The following ZRANB3 variants were observed in gnomAD, a reference collection of about 807,000 sequenced individuals.
ZRANB3 encodes the protein zinc finger RANBP2-type containing 3.
In ZRANB3, 125 loss-of-function variants were observed where a neutral mutation model predicts 133.8. That is an observed-to-expected ratio of 0.93 (90% CI 0.81 to 1.08). ZRANB3 has a LOEUF of 1.08. ZRANB3 is among the 50% of genes least tolerant of loss of function. The pLI, the probability that ZRANB3 is intolerant of heterozygous loss-of-function variation, is 0.00. For missense variants in ZRANB3, 1,229 were observed against 1,275.5 expected, an observed-to-expected ratio of 0.96 and a Z score of 0.56; for synonymous variants, 387 against 432.7, an observed-to-expected ratio of 0.89 and a Z score of 1.31.
At chr2:135,322,562 A>G (rs1683581286) in intron 6 of ZRANB3, among the ~76,000 whole-genome samples, 1 of 151,984 alleles carries the variant, frequency 6.6e-6, no homozygotes, top group Non-Finnish European at 1.5e-5. Context: ...TAAAAAATGA[A>G]AAACAATTAG....
chr2:135,365,444 G>A (rs1530003), intron 3 of ZRANB3, among the ~76,000 whole-genome samples: 3 of 151,944 alleles, frequency 2.0e-5, no homozygotes, highest in East Asian at 1.9e-4. Context: ...TATATATAAG[G>A]CTCAATGATC....
At chr2:135,385,934 A>G (rs1245011827) in intron 3 of ZRANB3, among the ~76,000 whole-genome samples, 1 of 152,224 alleles carries the variant, frequency 6.6e-6, no homozygotes, top group African/African-American at 2.4e-5. Flanking sequence ...AGGCATGGGC[A>G]AGGACTTCAT....
intron 3 of ZRANB3, among the ~76,000 whole-genome samples, chr2:135,360,108 G>T (rs1419625160): frequency 6.6e-6 from 1 of 152,188 alleles, no homozygotes; most frequent in Non-Finnish European, 1.5e-5. Context: ...GCCAGGAACA[G>T]TGGCTCACAC....
intron 3 of ZRANB3, among the ~76,000 whole-genome samples, chr2:135,376,525 C>G (rs1401961456): frequency 2.0e-5 from 3 of 152,176 alleles, no homozygotes; most frequent in Non-Finnish European, 4.4e-5. Flanking sequence ...AAAAGGCTAT[C>G]AAGCTACAAA....
chr2:135,453,433 C>G (rs1208514987), intron 2 of ZRANB3, among the ~76,000 whole-genome samples: 4 of 152,232 alleles, frequency 2.6e-5, no homozygotes, highest in African/African-American at 7.2e-5. Context: ...TCTACTGCAT[C>G]ATCAGGCTGC....
chr2:135,411,566 C>A (rs938416812), intron 2 of ZRANB3, among the ~76,000 whole-genome samples: 1 of 152,084 alleles, frequency 6.6e-6, no homozygotes, highest in South Asian at 2.1e-4. Context: ...TATATATACA[C>A]CATGGAATAT....
intron 9 of ZRANB3, 90 bp from the exon 10 acceptor site, chr2:135,271,977 C>T: frequency 7.5e-7 from 1 of 1,329,404 alleles, no homozygotes; most frequent in South Asian, 2.2e-5. Context: ...TTTATGGTCA[C>T]ATAACAAAAT....
chr2:135,313,518 G>C lies in ZRANB3; in HGVS notation c.937C>G (p.Arg313Gly). 1 of 1,613,192 alleles carries C rather than the reference G, an allele frequency of 6.2e-7. No homozygotes were observed. The highest frequency in any genetic ancestry group is 8.5e-7 in the Non-Finnish European group (1 of 1,179,498). ...AMETVMGLIT[R>G]MFKQTAIAKA... ...GCAATAGCAGTTTGTTTAAACATGCGAGTTATCAACCCCATGACTGTCTCC... is the reference window on the plus strand; with the variant it reads ...GCAATAGCAGTTTGTTTAAACATGCCAGTTATCAACCCCATGACTGTCTCC... Residue 313 changes from arginine (R) to glycine (G), a missense_variant, in exon 8 of 21, where the codon CGC (arginine) becomes GGC (glycine). Physicochemically the swap from Arg to Gly is moderately radical, Grantham distance 125. Transcript: ENST00000264159.
chr2:135,268,247 C>G (rs1412287586), intron 11 of ZRANB3, among the ~76,000 whole-genome samples: 1 of 152,130 alleles, frequency 6.6e-6, no homozygotes, highest in Non-Finnish European at 1.5e-5. Flanking sequence ...TCACTGCAAC[C>G]TCCACCTCCT....
chr2:135,211,668 A>T (rs550616707), intron 17 of ZRANB3, among the ~76,000 whole-genome samples: 12 of 150,734 alleles, frequency 8.0e-5, no homozygotes, highest in African/African-American at 2.7e-4. Context: ...TTACCAAAAC[A>T]TGCTTCTCAG....
intron 12 of ZRANB3, among the ~76,000 whole-genome samples, chr2:135,231,933 AGACAGTGGGTGCAG>A (rs1191837959): frequency 2.0e-5 from 3 of 152,204 alleles, no homozygotes; most frequent in Non-Finnish European, 4.4e-5. Flanking sequence ...GGGGAGTGTC[AGACAGTGGGTGCAG>A]GACAGTGGGT....
intron 12 of ZRANB3, among the ~76,000 whole-genome samples, chr2:135,258,591 C>T (rs1309351040): frequency 2.0e-5 from 3 of 152,172 alleles, no homozygotes; most frequent in South Asian, 2.1e-4. Context: ...GACAAGAACC[C>T]GGGTTTTCCT....
At chr2:135,315,624 C>A (rs1473844519) in intron 6 of ZRANB3, 94 bp from the exon 7 acceptor site, 5 of 887,786 alleles carry the variant, frequency 5.6e-6, no homozygotes, top group African/African-American at 5.2e-5. Flanking sequence ...TGATAAGGAG[C>A]CATGACACTG....
chr2:135,219,428 A>G (rs1289416742), intron 15 of ZRANB3, among the ~76,000 whole-genome samples: 1 of 152,248 alleles, frequency 6.6e-6, no homozygotes, highest in Non-Finnish European at 1.5e-5. Flanking sequence ...TATTGCCTTC[A>G]GCCTGGAATC....
At chr2:135,508,806 G>C (rs1467838037) in intron 1 of ZRANB3, among the ~76,000 whole-genome samples, 1 of 151,954 alleles carries the variant, frequency 6.6e-6, no homozygotes, top group Non-Finnish European at 1.5e-5. Flanking sequence ...AGGTTTAATT[G>C]CTACAAAAAG....
At chr2:135,482,433 A>G (rs1691866405) in intron 2 of ZRANB3, among the ~76,000 whole-genome samples, 1 of 149,024 alleles carries the variant, frequency 6.7e-6, no homozygotes, top group African/African-American at 2.5e-5. Context: ...TTGATGGTGT[A>G]TAAGAATGCT....
intron 1 of ZRANB3, among the ~76,000 whole-genome samples, chr2:135,530,885 G>A (rs1224174601): frequency 6.6e-6 from 1 of 152,154 alleles, no homozygotes; most frequent in Admixed American, 6.5e-5. Context: ...GAGAAGTTAT[G>A]AGTAGGGGAA....
chr2:135,483,750 G>T (rs1036869183), intron 2 of ZRANB3, among the ~76,000 whole-genome samples: 13 of 152,166 alleles, frequency 8.5e-5, no homozygotes, highest in African/African-American at 3.1e-4. Context: ...TGGGCATTTA[G>T]TGCTATAAAT....
intron 1 of ZRANB3, among the ~76,000 whole-genome samples, chr2:135,518,175 G>C (rs186389510): frequency 1.3e-4 from 20 of 152,244 alleles, no homozygotes; most frequent in Non-Finnish European, 2.6e-4. Flanking sequence ...TCAAGCCAGT[G>C]GATCTACTTA....
Sources: gnomAD v4.1 joint callset for allele counts (sites outside exome capture counted in the v4.1 genomes callset) on GRCh38, gnomAD v4.1.1 for gene constraint, MANE v1.5 for transcripts, NCBI Gene and HGNC (gene_info 2026-07-23, HGNC 2026-07-21) for gene names.